The following SRD5A2 variants were observed in gnomAD, a reference collection of about 807,000 sequenced individuals.
The protein encoded by SRD5A2 is steroid 5 alpha-reductase 2.
Under a neutral mutation model 27.4 loss-of-function variants are expected in SRD5A2, and 30 were observed. The ratio of observed to expected loss-of-function variants is 1.10; its 90% confidence interval spans 0.82 to 1.49. The LOEUF (loss-of-function observed/expected upper bound fraction) is 1.49, where lower values mean the gene tolerates loss of function less well. Ranked by LOEUF, SRD5A2 falls within the 40% of genes most tolerant of loss-of-function variation. The pLI is 0.00. For synonymous variants in SRD5A2, 141 were observed against 133.6 expected, an observed-to-expected ratio of 1.06 and a Z score of -0.38; for missense variants, 348 against 323.4, an observed-to-expected ratio of 1.08 and a Z score of -0.58.
chr2:31,650,717 T>C, the SRD5A2 span, among the ~76,000 whole-genome samples: 1 of 152,166 alleles, frequency 6.6e-6, no homozygotes, highest in Non-Finnish European at 1.5e-5. Context: ...ATTTAGTAAG[T>C]ATGCAGCTCC....
upstream of SRD5A2, among the ~76,000 whole-genome samples, chr2:31,584,527 C>G (rs1445055000): frequency 2.6e-5 from 4 of 152,176 alleles, no homozygotes; most frequent in African/African-American, 9.7e-5. Context: ...CTTCAGACAT[C>G]AGCTGCAAGT....
the SRD5A2 span, among the ~76,000 whole-genome samples, chr2:31,623,171 C>T: frequency 6.6e-6 from 1 of 151,938 alleles, no homozygotes; most frequent in African/African-American, 2.4e-5. Flanking sequence ...ATTCCTGGGC[C>T]GAAGGTGCTG....
the SRD5A2 span, among the ~76,000 whole-genome samples, chr2:31,604,690 G>A: frequency 2.0e-5 from 3 of 151,674 alleles, no homozygotes; most frequent in Non-Finnish European, 4.4e-5. Context: ...TCCATGTTCA[G>A]GGATTAGAAG....
the SRD5A2 span, among the ~76,000 whole-genome samples, chr2:31,592,775 A>G: frequency 1.3e-5 from 2 of 152,228 alleles, no homozygotes; most frequent in African/African-American, 2.4e-5. Flanking sequence ...ACAAAACAAG[A>G]TTCCATAACA....
chr2:31,528,122 C>A (rs1052583879), intron 4 of SRD5A2, among the ~76,000 whole-genome samples: 2 of 152,204 alleles, frequency 1.3e-5, no homozygotes, highest in Non-Finnish European at 2.9e-5. Context: ...ATTAGTGAAG[C>A]TTTAGGCCAG....
the SRD5A2 span, among the ~76,000 whole-genome samples, chr2:31,635,710 A>G: frequency 6.6e-6 from 1 of 152,250 alleles, no homozygotes; most frequent in Non-Finnish European, 1.5e-5. Flanking sequence ...TTAAGTCTTC[A>G]ATACATTTTG....
chr2:31,582,108 A>G (rs764401826), upstream of SRD5A2, among the ~76,000 whole-genome samples: 11 of 151,308 alleles, frequency 7.3e-5, no homozygotes, highest in Non-Finnish European at 1.6e-4. Flanking sequence ...ATCTCCCTTG[A>G]TTACTTTATC....
the SRD5A2 span, among the ~76,000 whole-genome samples, chr2:31,615,641 A>C: frequency 2.0e-5 from 3 of 152,308 alleles, no homozygotes; most frequent in South Asian, 6.2e-4. Flanking sequence ...CCAGCCTGGC[A>C]ATGTGATAGA....
chr2:31,606,905 T>A, the SRD5A2 span, among the ~76,000 whole-genome samples: 5 of 151,984 alleles, frequency 3.3e-5, no homozygotes, highest in African/African-American at 1.2e-4. Context: ...TCAAAAGCAA[T>A]GGTTCCTCTG....
the SRD5A2 span, among the ~76,000 whole-genome samples, chr2:31,607,941 T>C: frequency 2.6e-5 from 4 of 151,794 alleles, no homozygotes; most frequent in Admixed American, 1.3e-4. Flanking sequence ...GACAATGATC[T>C]CTCTTTCTCA....
At chr2:31,642,048 T>C in the SRD5A2 span, among the ~76,000 whole-genome samples, 1 of 151,926 alleles carries the variant, frequency 6.6e-6, no homozygotes, top group East Asian at 1.9e-4. Flanking sequence ...GGTGAAAAGA[T>C]AGAAACATAG....
intron 1 of SRD5A2, among the ~76,000 whole-genome samples, chr2:31,538,656 C>A (rs897616159): frequency 6.6e-6 from 1 of 152,208 alleles, no homozygotes; most frequent in Non-Finnish European, 1.5e-5. Flanking sequence ...TCTCTGCTCT[C>A]TTCTACCACT....
chr2:31,625,212 A>AT, the SRD5A2 span, among the ~76,000 whole-genome samples: 1 of 151,332 alleles, frequency 6.6e-6, no homozygotes, highest in Non-Finnish European at 1.5e-5. Flanking sequence ...GGGTTGTTTG[A>AT]TTTTTTCTTG....
At chr2:31,559,052 T>C (rs1281711181) in intron 1 of SRD5A2, among the ~76,000 whole-genome samples, 1 of 152,194 alleles carries the variant, frequency 6.6e-6, no homozygotes, top group Non-Finnish European at 1.5e-5. Flanking sequence ...TCTGAACTTG[T>C]TTATATGGCT....
intron 1 of SRD5A2, among the ~76,000 whole-genome samples, chr2:31,572,836 C>T (rs1020332870): frequency 1.3e-5 from 2 of 151,990 alleles, no homozygotes; most frequent in African/African-American, 4.8e-5. Context: ...ACCAAATTAC[C>T]CTGTTTTCTT....
the SRD5A2 span, among the ~76,000 whole-genome samples, chr2:31,661,854 T>G: frequency 6.6e-6 from 1 of 152,164 alleles, no homozygotes; most frequent in Non-Finnish European, 1.5e-5. Context: ...TTCAACCATT[T>G]TTTTTCTCTA....
the SRD5A2 span, among the ~76,000 whole-genome samples, chr2:31,607,035 A>G: frequency 2.0e-5 from 3 of 151,994 alleles, no homozygotes. Flanking sequence ...GAACCAAAAT[A>G]ATTTTTGAAA....
chr2:31,531,557 A>G (rs11892634), intron 2 of SRD5A2, 85 bp from the exon 3 acceptor site: 24 of 699,642 alleles, frequency 3.4e-5, no homozygotes, highest in Middle Eastern at 3.7e-4. Flanking sequence ...CTAAAATGAA[A>G]GGAGGGGCAT....
chr2:31,659,861 T>C, the SRD5A2 span, among the ~76,000 whole-genome samples: 1 of 152,084 alleles, frequency 6.6e-6, no homozygotes, highest in African/African-American at 2.4e-5. Flanking sequence ...GGTAATTCCT[T>C]TTACCCATAT....
Sources: allele counts gnomAD v4.1 joint callset (sites outside exome capture counted in the v4.1 genomes callset), GRCh38; gene constraint gnomAD v4.1.1; transcripts MANE v1.5; gene names NCBI Gene and HGNC (gene_info 2026-07-23, HGNC 2026-07-21).